The following LRRFIP2 variants were observed in gnomAD, a reference collection of about 807,000 sequenced individuals.
The protein encoded by LRRFIP2 is leucine-rich repeat flightless-interacting protein 2.
A neutral mutation model predicts 125.9 loss-of-function variants in LRRFIP2; 109 were observed. The ratio of observed to expected loss-of-function variants is 0.87; its 90% CI spans 0.74 to 1.01. The LOEUF is 1.01. LRRFIP2 is among the 50% of genes least tolerant of loss of function. LRRFIP2 has a pLI of 0.00. For synonymous variants in LRRFIP2, 291 were observed against 293.1 expected, an observed-to-expected ratio of 0.99 and a Z score of 0.07; for missense variants, 850 against 862.3, an observed-to-expected ratio of 0.99 and a Z score of 0.18.
At chr3:37,100,470 A>G (rs975106873) in intron 15 of LRRFIP2, among the ~76,000 whole-genome samples, 3 of 149,660 alleles carry the variant, frequency 2.0e-5, no homozygotes, top group Non-Finnish European at 2.9e-5. Flanking sequence ...ACACAAATAC[A>G]TATAAATAAA....
intron 2 of LRRFIP2, among the ~76,000 whole-genome samples, chr3:37,138,070 C>T (rs191269683): frequency 1.1e-4 from 16 of 152,308 alleles, no homozygotes; most frequent in East Asian, 7.7e-4. Context: ...TATCCCCATC[C>T]GTACTATTCC....
At chr3:37,158,139 T>C (rs2096248098) in intron 1 of LRRFIP2, among the ~76,000 whole-genome samples, 1 of 152,210 alleles carries the variant, frequency 6.6e-6, no homozygotes, top group Admixed American at 6.5e-5. Flanking sequence ...GAAGATAGAC[T>C]AAACAATTCA....
chr3:37,110,928 G>T, intron 9 of LRRFIP2, 63 bp downstream of exon 9: 1 of 1,467,526 alleles, frequency 6.8e-7, no homozygotes, highest in Non-Finnish European at 9.5e-7. Context: ...AATGCAAAAT[G>T]GGGAGATTAG....
chr3:37,156,440 G>C (rs537233235), intron 1 of LRRFIP2, among the ~76,000 whole-genome samples: 1 of 151,372 alleles, frequency 6.6e-6, no homozygotes, highest in South Asian at 2.1e-4. Flanking sequence ...TTGGGAGGCT[G>C]AGGCTGGCAG....
intron 6 of LRRFIP2, among the ~76,000 whole-genome samples, chr3:37,120,976 A>G (rs1315388342): frequency 6.6e-6 from 1 of 152,186 alleles, no homozygotes; most frequent in Non-Finnish European, 1.5e-5. Context: ...AATCCATGCA[A>G]AAAACAACCT....
intron 7 of LRRFIP2, 138 bp downstream of exon 7, chr3:37,114,916 C>T: frequency 1.6e-6 from 1 of 630,532 alleles, no homozygotes; most frequent in South Asian, 2.2e-5. Flanking sequence ...AAAACATTAG[C>T]TTTTTGCTTT....
At chr3:37,100,628 G>A (rs1050095386) in intron 15 of LRRFIP2, among the ~76,000 whole-genome samples, 11 of 152,096 alleles carry the variant, frequency 7.2e-5, no homozygotes, top group Admixed American at 3.3e-4. Context: ...TCACTTATAT[G>A]TAAGTACTAA....
intron 24 of LRRFIP2, among the ~76,000 whole-genome samples, chr3:37,063,248 G>A (rs1438944982): frequency 6.6e-6 from 1 of 152,184 alleles, no homozygotes; most frequent in Non-Finnish European, 1.5e-5. Context: ...AAGCAGGCTG[G>A]AATTACACTG....
At chr3:37,170,358 G>A (rs1314774999) in intron 1 of LRRFIP2, 1 of 152,182 alleles carries the variant, frequency 6.6e-6, no homozygotes, top group African/African-American at 2.4e-5. Context: ...CCTAAGAAGT[G>A]ACATCAGTTA....
rs146298516 is a variant in LRRFIP2, at chr3:37,105,531, T to C, written c.715-8A>G. 4,811 of 1,609,118 alleles carry C rather than the reference T, an allele frequency of 3.0e-3. 10 individuals carry two copies. Among genetic ancestry groups the C allele is most frequent in the Middle Eastern group, 7.3e-3 (44 of 6,054 alleles). ...AGTGTCATCGTTGGTAAACTATAGA[T>C]ATTAAATGCAGATAATGAAAAAGAT... On this transcript the variant is annotated splice_region_variant and splice_polypyrimidine_tract_variant and intron_variant, in intron 13 of 27. Coordinates refer to ENST00000336686, the MANE Select transcript of LRRFIP2 (RefSeq NM_006309.4).
At chr3:37,080,462 G>A (rs1340769479) in intron 19 of LRRFIP2, among the ~76,000 whole-genome samples, 2 of 151,706 alleles carry the variant, frequency 1.3e-5, no homozygotes, top group African/African-American at 4.8e-5. Flanking sequence ...AATTGGTAAT[G>A]ATAAAATCAG....
intron 1 of LRRFIP2, among the ~76,000 whole-genome samples, chr3:37,162,155 C>A (rs78708145): frequency 5.6e-3 from 416 of 73,864 alleles, no homozygotes; most frequent in African/African-American, 0.011. Context: ...GACCCTGTCT[C>A]AAAAAAAAAA....
At position 37,059,792 on chromosome 3, in the gene LRRFIP2, A is replaced by AT. The variant is rs1209446867; in HGVS notation, c.1750-883_1750-882insA. On this transcript the variant is annotated intron_variant, in intron 24 of 27. Coordinates refer to ENST00000336686, the MANE Select transcript of LRRFIP2 (RefSeq NM_006309.4). ...CAGAGCGAGACTCTGTCTCAAAAAA[A>AT]AAAAAAATAATAATAATAATAATTG... Among the ~76,000 whole-genome samples, 450 of 121,862 alleles carry AT rather than the reference A, an allele frequency of 3.7e-3. 2 individuals are homozygous for AT. Among genetic ancestry groups the AT allele is most frequent in the African/African-American group, 0.013 (431 of 32,168 alleles). 79.9% of individuals were successfully genotyped at this position (121,862 alleles called of 152,430 possible).
chr3:37,129,204 C>T lies in LRRFIP2; in HGVS notation c.91-55G>A. ...ACAACAAAAACAAAAACAACCTGTA[C>T]ACCAGATTTGAAAATAAAGAATGGG... On this transcript the variant is annotated intron_variant, in intron 2 of 27. Transcript: ENST00000336686. 4.7e-6 allele frequency: 7 copies of T among 1,483,814 alleles called. No homozygotes were observed. The South Asian group carries it at 5.7e-5, about 12-fold the overall frequency. 91.9% of individuals were successfully genotyped at this position (1,483,814 alleles called of 1,614,324 possible).
intron 25 of LRRFIP2, among the ~76,000 whole-genome samples, chr3:37,055,846 C>G (rs538895728): frequency 1.3e-5 from 2 of 152,170 alleles, no homozygotes; most frequent in Non-Finnish European, 2.9e-5. Flanking sequence ...TCCCTGAACG[C>G]GGCCCCATGC....
At chr3:37,075,252 T>C (rs2091864826) in intron 19 of LRRFIP2, 136 bp from the exon 20 acceptor site, 3 of 518,918 alleles carry the variant, frequency 5.8e-6, no homozygotes, top group Non-Finnish European at 1.0e-5. Flanking sequence ...CTTAGAAAAA[T>C]TGTGTATTCT....
Position 37,060,702 on chromosome 3 carries a change from T to G in LRRFIP2, c.1750-1792A>C, listed in dbSNP as rs996751914. 6.6e-6 allele frequency among the ~76,000 whole-genome samples: 1 copy of G among 152,086 alleles called. No homozygotes were observed. The highest frequency in any genetic ancestry group is 2.4e-5 in the African/African-American group (1 of 41,414). ...GCTGGTATTTTCCCTCCATCTTCCC[T>G]AAAAGTCCCAGGTCTTAATCTCGTC... On this transcript the variant is annotated intron_variant, in intron 24 of 27. Transcript: ENST00000336686. This position sits in a 1 kb window ranked among gnomAD's most constrained non-coding sequence, Gnocchi z 4.1.
At chr3:37,155,312 A>C (rs188281124) in intron 1 of LRRFIP2, among the ~76,000 whole-genome samples, 6 of 151,002 alleles carry the variant, frequency 4.0e-5, no homozygotes, top group African/African-American at 1.2e-4. Context: ...TGAAATTGAC[A>C]AAAAAAAAGC....
At chr3:37,069,453 G>A (rs2090765037) in intron 21 of LRRFIP2, among the ~76,000 whole-genome samples, 1 of 152,194 alleles carries the variant, frequency 6.6e-6, no homozygotes, top group Non-Finnish European at 1.5e-5. Context: ...AATGCCAAGT[G>A]AAATAAATCA....
Sources: allele counts gnomAD v4.1 joint callset (sites outside exome capture counted in the v4.1 genomes callset), GRCh38; gene constraint gnomAD v4.1.1; non-coding constraint Gnocchi (gnomAD v3.1); transcripts MANE v1.5; gene names NCBI Gene and HGNC (gene_info 2026-07-23, HGNC 2026-07-21).